The following RADIL variants were observed in gnomAD, a reference collection of about 807,000 sequenced individuals.
RADIL encodes the protein Rap associating with DIL domain.
RADIL carries 99 observed loss-of-function variants against 97.6 expected under a neutral mutation model. The ratio of observed to expected loss-of-function variants is 1.01; its 90% CI spans 0.86 to 1.20. The LOEUF is 1.20. Ranked by LOEUF, RADIL falls within the 50% of genes most tolerant of loss-of-function variation. The pLI is 0.00. For missense variants in RADIL, 1,765 were observed against 1,498.9 expected, an observed-to-expected ratio of 1.18 and a Z score of -2.93; for synonymous variants, 803 against 691.8, an observed-to-expected ratio of 1.16 and a Z score of -2.52.
At chr7:4,856,497 T>C (rs1046433279) in intron 2 of RADIL, among the ~76,000 whole-genome samples, 1 of 152,206 alleles carries the variant, frequency 6.6e-6, no homozygotes, top group African/African-American at 2.4e-5. Flanking sequence ...TATCACAAAA[T>C]CTTCTCCCAG....
intron 4 of RADIL, 47 bp from the exon 5 acceptor site, chr7:4,832,225 A>G: frequency 3.2e-6 from 5 of 1,570,238 alleles, no homozygotes; most frequent in Non-Finnish European, 4.3e-6. Context: ...AAACAGGCTA[A>G]CACAGGGACG....
Position 4,877,892 on chromosome 7 carries a change from G to T in RADIL, c.248C>A (p.Ala83Asp). Residue 83 changes from alanine to aspartate, a missense_variant, in exon 2 of 15, where the codon GCC becomes GAC. Physicochemically the swap from Ala to Asp is moderately radical, Grantham distance 126. Coordinates refer to ENST00000399583, the MANE Select transcript of RADIL (RefSeq NM_018059.5). Reference protein sequence around the residue: ...CTGTHYKSVLATGTSSARELV... With the variant: ...CTGTHYKSVLDTGTSSARELV... ...CTCACGGGCGCTGGAGGTGCCGGTG[G>T]CCAGGACGCTCTTGTAGTGGGTTCC... 6.2e-7 allele frequency: 1 copy of T among 1,605,474 alleles called. No homozygotes were observed. The highest frequency in any genetic ancestry group is 8.5e-7 in the Non-Finnish European group (1 of 1,179,954).
rs764931585 is a variant in RADIL at position 4,877,594 on chromosome 7, G to GC, written c.535+10dup. On this transcript the variant is annotated intron_variant, in intron 2 of 14. Transcript: ENST00000399583. ...ACCCACGGCTCTTCCTGAACCTGTG[G>GC]CCCCCCTCACCTGCCGTGATGGTGT... is the stretch of plus-strand genomic sequence containing the variant. 4.9e-5 allele frequency: 78 copies of GC among 1,577,274 alleles called. No homozygotes were observed. The African/African-American group carries it at 6.6e-4, about 13-fold the overall frequency.
In RADIL at chr7:4,813,074, TTC is replaced by T. The variant is rs201029653; in HGVS notation, c.2139+2202_2139+2203del. On this transcript the variant is annotated intron_variant, in intron 9 of 14. Coordinates refer to ENST00000399583, the MANE Select transcript of RADIL (RefSeq NM_018059.5). The surrounding 1 kb of genome is among the most constrained non-coding windows in gnomAD (Gnocchi z 5.0). ...TTCATCCTTACCCCAAGGTTCTTCT[TTC>T]TCTCTCTCTCTCTCTCTCTCTCTCT... Among the ~76,000 whole-genome samples the T allele has an allele frequency of 0.024, 3,514 of 147,230 alleles. 47 individuals carry two copies. The highest frequency in any genetic ancestry group is 0.059 in the Middle Eastern group (17 of 288).
At position 4,877,845 on chromosome 7, in the gene RADIL, G is replaced by A. The variant is rs780796615; in HGVS notation, c.295C>T (p.Arg99Trp). 8 of 1,606,530 alleles carry A rather than the reference G, an allele frequency of 5.0e-6. No homozygotes were observed. The highest frequency in any genetic ancestry group is 6.8e-6 in the Non-Finnish European group (8 of 1,179,916). Residue 99 changes from arginine (R) to tryptophan (W), a missense_variant, in exon 2 of 15, where the codon CGG (arginine) becomes TGG (tryptophan). By Grantham distance (101) the Arg-to-Trp change is moderately radical. Coordinates refer to ENST00000399583, the MANE Select transcript of RADIL (RefSeq NM_018059.5). The part of the protein sequence containing the change: ...ARELVKEALE[R>W]YALDPRQAGQ... ...GCCTGCCTGGGGTCCAGGGCGTACCGCTCCAGCGCCTCCTTCACCAGCTCA... is the reference window on the plus strand; with the variant it reads ...GCCTGCCTGGGGTCCAGGGCGTACCACTCCAGCGCCTCCTTCACCAGCTCA...
chr7:4,807,229 C>T (rs1369190238), intron 9 of RADIL, among the ~76,000 whole-genome samples: 1 of 152,056 alleles, frequency 6.6e-6, no homozygotes, highest in East Asian at 1.9e-4. Flanking sequence ...GAAGGATAAT[C>T]GGTGTCTCGG....
chr7:4,881,740 A>G (rs904020334), intron 1 of RADIL, among the ~76,000 whole-genome samples: 3 of 152,054 alleles, frequency 2.0e-5, no homozygotes, highest in African/African-American at 7.2e-5. Flanking sequence ...AAAAAAAAAA[A>G]AGACAAAAAT....
chr7:4,807,740 C>CCCTCCCT (rs1164230605), intron 9 of RADIL, among the ~76,000 whole-genome samples: 3 of 72,354 alleles, frequency 4.1e-5, no homozygotes, highest in Non-Finnish European at 8.1e-5. Context: ...CGTCTCTCTG[C>CCCTCCCT]CCTCCCTCCT....
intron 5 of RADIL, among the ~76,000 whole-genome samples, chr7:4,831,823 G>A (rs888021231): frequency 2.0e-5 from 3 of 152,166 alleles, no homozygotes; most frequent in African/African-American, 7.2e-5. Flanking sequence ...GGGAGGTGTA[G>A]GTTGCTGTGA....
chr7:4,880,271 G>C lies in RADIL; in HGVS notation c.-64-2068C>G, dbSNP rs541996398. The stretch of plus-strand genomic sequence containing the variant: ...TGAGGAAGGTGCAACGAGTGGCCTT[G>C]TCAAATCCTAAGAAGCTCAGAGCCG... On this transcript the variant is annotated intron_variant, in intron 1 of 14. Transcript: ENST00000399583. This position sits in a 1 kb window ranked among gnomAD's most constrained non-coding sequence, Gnocchi z 4.5. 3.0e-3 allele frequency among the ~76,000 whole-genome samples: 460 copies of C among 152,288 alleles called. 3 individuals carry two copies. Among genetic ancestry groups the C allele is most frequent in the African/African-American group, 0.011 (440 of 41,570 alleles).
chr7:4,861,261 C>T (rs1562454640), intron 2 of RADIL: 1 of 1,614,094 alleles, frequency 6.2e-7, no homozygotes, highest in African/African-American at 1.3e-5. Context: ...TCTCTTAAGT[C>T]CAAATCTTCT....
At chr7:4,809,782 A>T (rs1283535040) in intron 9 of RADIL, among the ~76,000 whole-genome samples, 1 of 151,308 alleles carries the variant, frequency 6.6e-6, no homozygotes, top group Non-Finnish European at 1.5e-5. Flanking sequence ...TCCCGAGTTC[A>T]AGTGATTCAT....
At position 4,816,376 on chromosome 7, in the gene RADIL, G is replaced by A. The variant is rs757171496; in HGVS notation, c.1818C>T (p.Pro606=). ...RESWSSAPEL[P]EELRRVVSVY... ...CAGACACCACGCGGCGCAGCTCCTCGGGCAGTTCGGGGGCCGAGGACCAGC... is the reference window on the plus strand; with the variant it reads ...CAGACACCACGCGGCGCAGCTCCTCAGGCAGTTCGGGGGCCGAGGACCAGC... Residue 606 remains proline (P), a synonymous_variant, in exon 8 of 15, where the codon CCC becomes CCT. Coordinates refer to ENST00000399583, the MANE Select transcript of RADIL (RefSeq NM_018059.5). The A allele has an allele frequency of 1.7e-5, 28 of 1,609,814 alleles. No homozygotes were observed. The highest frequency in any genetic ancestry group is 1.3e-4 in the East Asian group (6 of 44,776).
chr7:4,871,714 A>T (rs965303689), intron 2 of RADIL, among the ~76,000 whole-genome samples: 8 of 152,204 alleles, frequency 5.3e-5, no homozygotes, highest in African/African-American at 1.9e-4. Flanking sequence ...CCCACTCGGG[A>T]GTCTTGCAGA....
rs781754860 is a variant in RADIL, at chr7:4,802,005, G to A, written c.2500-10C>T. On this transcript the variant is annotated splice_polypyrimidine_tract_variant and intron_variant, in intron 11 of 14. Coordinates refer to ENST00000399583, the MANE Select transcript of RADIL (RefSeq NM_018059.5). Reference sequence around the variant, plus strand: ...CCACGTGGTGCATACCCTAGGGAGAGGAAGGGTGACAGCTCAGGTAGAGGA... The same window carrying A: ...CCACGTGGTGCATACCCTAGGGAGAAGAAGGGTGACAGCTCAGGTAGAGGA... 75 of 1,492,524 alleles carry A rather than the reference G, an allele frequency of 5.0e-5. No individual in the cohort carries two copies. The highest frequency in any genetic ancestry group is 1.0e-4 in the Admixed American group (4 of 40,108). 92.5% of individuals were successfully genotyped at this position (1,492,524 alleles called of 1,614,324 possible).
Position 4,834,949 on chromosome 7 carries a change from G to A in RADIL, c.1074C>T (p.Pro358=), listed in dbSNP as rs1246052771. 4 of 1,604,260 alleles carry A rather than the reference G, an allele frequency of 2.5e-6. No homozygotes were observed. The highest frequency in any genetic ancestry group is 2.7e-5 in the African/African-American group (2 of 74,794). The part of the protein sequence containing the change: ...GLYYLLLFKD[P]AQAQPLPARA... ...GGGCGGGCAGGGGCTGGGCCTGCGC[G>A]GGGTCCTTGAATAGCAGCAGGTAGT... The change falls in exon 4 of 15, where the codon CCC becomes CCT. Residue 358 remains proline (P), a synonymous_variant. Coordinates refer to ENST00000399583, the MANE Select transcript of RADIL (RefSeq NM_018059.5). This position sits in a 1 kb window ranked among gnomAD's most constrained non-coding sequence, Gnocchi z 6.0.
chr7:4,826,428 G>T (rs958300589), intron 5 of RADIL, among the ~76,000 whole-genome samples: 1 of 151,664 alleles, frequency 6.6e-6, no homozygotes, highest in Non-Finnish European at 1.5e-5. Context: ...AGGAAAAGGG[G>T]AGTTTTTAAA....
chr7:4,861,721 C>T lies in RADIL; in HGVS notation c.535+15884G>A, dbSNP rs763846073. ...GGAGGCAGTCCGTCTCCTTGGGGAC[C>T]GCTAGACTGATAGGCGAGGAGACGC... On this transcript the variant is annotated intron_variant, in intron 2 of 14. Transcript: ENST00000399583. The T allele has an allele frequency of 1.3e-5, 20 of 1,544,182 alleles. No individual in the cohort carries two copies. The East Asian group carries it at 2.3e-4, about 18-fold the overall frequency.
chr7:4,878,563 C>T lies in RADIL; in HGVS notation c.-64-360G>A, dbSNP rs1262817009. 1.3e-5 allele frequency among the ~76,000 whole-genome samples: 2 copies of T among 152,114 alleles called. No homozygotes were observed. The highest frequency in any genetic ancestry group is 2.1e-4 in the South Asian group (1 of 4,824). ...TCAAAATCTAATGGACATAACAGGC[C>T]GTGGGCATCCTGGCCCCGCAGACCT... On this transcript the variant is annotated intron_variant, in intron 1 of 14. Coordinates refer to ENST00000399583, the MANE Select transcript of RADIL (RefSeq NM_018059.5). This position sits in a 1 kb window ranked among gnomAD's most constrained non-coding sequence, Gnocchi z 4.1.
Sources: gnomAD v4.1 joint callset for allele counts (sites outside exome capture counted in the v4.1 genomes callset) on GRCh38, gnomAD v4.1.1 for gene constraint, Gnocchi (gnomAD v3.1) non-coding constraint, MANE v1.5 for transcripts, NCBI Gene and HGNC (gene_info 2026-07-23, HGNC 2026-07-21) for gene names.